The following MCTP2 variants were observed in gnomAD, a reference collection of about 807,000 sequenced individuals.
MCTP2 encodes the protein multiple C2 and transmembrane domain-containing protein 2.
MCTP2 carries 132 observed loss-of-function variants against 111.6 expected under a neutral mutation model. The ratio of observed to expected loss-of-function variants is 1.18; its 90% confidence interval spans 1.03 to 1.37. The LOEUF (loss-of-function observed/expected upper bound fraction) is 1.37, where lower values mean the gene tolerates loss of function less well. Among genes scored for constraint, MCTP2 ranks in the 40% most tolerant of loss-of-function variants. The pLI, the probability that MCTP2 is intolerant of heterozygous loss-of-function variation, is 0.00. For missense variants in MCTP2, 1,183 were observed against 1,067.9 expected (o/e 1.11, Z -1.50); for synonymous variants, 395 against 387.7 (o/e 1.02, Z -0.22).
rs2084968710 is a variant in MCTP2 at position 94,458,329 on chromosome 15, A to G, written c.2360+83A>G. On this transcript the variant is annotated intron_variant, in intron 20 of 22. Coordinates refer to ENST00000357742, the MANE Select transcript of MCTP2 (RefSeq NM_001385001.1). ...TGGGGTAATGGCAGTGGTGTGCGAC[A>G]AAGGGAGGCAAGAAAATACAAAAAC... 3 of 818,588 alleles carry G rather than the reference A, an allele frequency of 3.7e-6. No homozygotes were observed. The Admixed American group carries it at 5.8e-5, about 16-fold the overall frequency. 50.7% of individuals were successfully genotyped at this position (818,588 alleles called of 1,614,324 possible). A position where few individuals can be genotyped will look rare whatever the true frequency, so the allele number is the denominator to read the frequency against.
chr15:94,369,550 A>G (rs2079376125), intron 11 of MCTP2, among the ~76,000 whole-genome samples: 1 of 152,222 alleles, frequency 6.6e-6, no homozygotes, highest in Non-Finnish European at 1.5e-5. Context: ...CTAGGGTGGT[A>G]CTAGATACTT....
intron 2 of MCTP2, among the ~76,000 whole-genome samples, chr15:94,308,183 C>A (rs1314970695): frequency 6.6e-6 from 1 of 152,100 alleles, no homozygotes; most frequent in Non-Finnish European, 1.5e-5. Flanking sequence ...CTATAAGAAT[C>A]TGTTTTGATC....
At chr15:94,277,084 T>C (rs1411025872) in intron 1 of MCTP2, among the ~76,000 whole-genome samples, 1 of 152,114 alleles carries the variant, frequency 6.6e-6, no homozygotes, top group African/African-American at 2.4e-5. Context: ...TGAAAAATGA[T>C]TTCAAGAAGA....
intron 1 of MCTP2, among the ~76,000 whole-genome samples, chr15:94,244,931 TATACAC>T (rs2071667408): frequency 7.0e-6 from 1 of 143,390 alleles, no homozygotes; most frequent in African/African-American, 2.6e-5. Context: ...TACGTATATG[TATACAC>T]ATACATATGC....
chr15:94,471,864 C>G (rs1171656650), intron 21 of MCTP2, among the ~76,000 whole-genome samples: 1 of 151,820 alleles, frequency 6.6e-6, no homozygotes, highest in Non-Finnish European at 1.5e-5. Flanking sequence ...GTACTACTAT[C>G]TTGTTTACTG....
intron 2 of MCTP2, among the ~76,000 whole-genome samples, chr15:94,309,716 A>G (rs557515921): frequency 6.6e-6 from 1 of 152,332 alleles, no homozygotes; most frequent in East Asian, 1.9e-4. Context: ...ATCCTGCCGA[A>G]TTTTAATATA....
At chr15:94,403,790 C>T (rs1486627795) in intron 17 of MCTP2, among the ~76,000 whole-genome samples, 1 of 152,132 alleles carries the variant, frequency 6.6e-6, no homozygotes, top group African/African-American at 2.4e-5. Flanking sequence ...ATGCAGGCTG[C>T]CATGTTGTAC....
At chr15:94,390,070 A>ATG (rs1555464837) in intron 14 of MCTP2, among the ~76,000 whole-genome samples, 183 of 11,954 alleles carry the variant, frequency 0.015, 3 homozygotes, top group South Asian at 0.13. Flanking sequence ...ATATATATAT[A>ATG]TATATATATA....
chr15:94,298,853 TCCCCC>T, intron 2 of MCTP2, 123 bp downstream of exon 2: 4 of 245,996 alleles, frequency 1.6e-5, no homozygotes, highest in Middle Eastern at 2.2e-3. Flanking sequence ...TCTTCCCCCC[TCCCCC>T]TCCCTCTCTC....
chr15:94,302,004 G>A (rs1223706598), intron 2 of MCTP2, among the ~76,000 whole-genome samples: 2 of 152,148 alleles, frequency 1.3e-5, no homozygotes, highest in Non-Finnish European at 2.9e-5. Context: ...AAGAAGGAAG[G>A]AGTTGGCATG....
chr15:94,289,054 T>C (rs972368076), intron 1 of MCTP2, among the ~76,000 whole-genome samples: 2 of 152,208 alleles, frequency 1.3e-5, no homozygotes, highest in African/African-American at 4.8e-5. Context: ...TTTGTATCAC[T>C]GGAGTGCCAG....
intron 17 of MCTP2, among the ~76,000 whole-genome samples, chr15:94,426,123 AGAGAGAGAGAGAGAGATT>A (rs1415412584): frequency 3.3e-5 from 4 of 120,342 alleles, no homozygotes; most frequent in African/African-American, 1.0e-4. Context: ...GAGATGCCAG[AGAGAGAGAGAGAGAGATT>A]GAGAGAGAGA....
intron 10 of MCTP2, among the ~76,000 whole-genome samples, chr15:94,362,444 C>T (rs189111070): frequency 2.6e-5 from 4 of 152,326 alleles, no homozygotes; most frequent in Admixed American, 6.5e-5. Context: ...TAGCCTGCCT[C>T]AGAGTCCCTC....
At position 94,481,856 on chromosome 15, in the gene MCTP2, G is replaced by A. The variant is rs942914998; in HGVS notation, c.*2822G>A. The stretch of plus-strand genomic sequence containing the variant: ...TATTTTTCTTTCTCTGCCTTTTCAT[G>A]TGCTGCTTTCAGAACAGAGGGCTGG... On this transcript the variant is annotated 3_prime_UTR_variant, in exon 23 of 23. Transcript: ENST00000357742. 1 of 152,230 alleles carries A rather than the reference G, an allele frequency of 6.6e-6. No homozygotes were observed. The highest frequency in any genetic ancestry group is 2.4e-5 in the African/African-American group (1 of 41,462). The allele number at this position is 152,230 out of a possible 1,614,324, so 9.4% of individuals were successfully genotyped here. A position where few individuals can be genotyped will look rare whatever the true frequency, so the allele number is the denominator to read the frequency against.
intron 14 of MCTP2, 151 bp downstream of exon 14, chr15:94,385,676 G>T: frequency 1.7e-6 from 1 of 571,874 alleles, no homozygotes; most frequent in Non-Finnish European, 3.1e-6. Context: ...ATTCTTTTCC[G>T]GTATTTTCAG....
At chr15:94,413,153 G>T (rs893098771) in intron 17 of MCTP2, among the ~76,000 whole-genome samples, 1 of 152,124 alleles carries the variant, frequency 6.6e-6, no homozygotes, top group Non-Finnish European at 1.5e-5. Context: ...TGCAGGTGGC[G>T]ATAGAAACTC....
intron 20 of MCTP2, 125 bp from the exon 21 acceptor site, chr15:94,470,207 CA>C: frequency 1.5e-6 from 1 of 680,326 alleles, no homozygotes; most frequent in East Asian, 2.7e-5. Context: ...AGGTTTTTAA[CA>C]AAATTTTTCC....
intron 1 of MCTP2, among the ~76,000 whole-genome samples, chr15:94,289,824 A>T (rs2074951741): frequency 6.6e-6 from 1 of 152,188 alleles, no homozygotes; most frequent in African/African-American, 2.4e-5. Context: ...ATGTTACATT[A>T]TGTGGCACAA....
intron 1 of MCTP2, among the ~76,000 whole-genome samples, chr15:94,280,640 G>A (rs1382822923): frequency 6.6e-6 from 1 of 151,670 alleles, no homozygotes; most frequent in Admixed American, 6.6e-5. Flanking sequence ...TGCTAACATT[G>A]GGTTTGATTT....
Sources: allele counts gnomAD v4.1 joint callset (sites outside exome capture counted in the v4.1 genomes callset), GRCh38; gene constraint gnomAD v4.1.1; transcripts MANE v1.5; gene names NCBI Gene and HGNC (gene_info 2026-07-23, HGNC 2026-07-21).